SLC44A5: variants seen among roughly 807,000 people sequenced by gnomAD.
SLC44A5 encodes solute carrier family 44 member 5.
Under a neutral mutation model 101.8 loss-of-function variants are expected in SLC44A5, and 57 were observed. The observed-to-expected ratio is 0.56, with a 90% confidence interval of 0.45 to 0.70. The LOEUF (loss-of-function observed/expected upper bound fraction) is 0.70. SLC44A5 is among the 30% of genes least tolerant of loss of function. SLC44A5 has a pLI of 0.00. For synonymous variants in SLC44A5, 281 were observed against 290.9 expected (o/e 0.97, Z 0.35); for missense variants, 737 against 853.1 (o/e 0.86, Z 1.70).
At chr1:75,317,649 C>G (rs776871519) in intron 4 of SLC44A5, among the ~76,000 whole-genome samples, 2 of 152,116 alleles carry the variant, frequency 1.3e-5, no homozygotes, top group Admixed American at 6.6e-5. Context: ...GTTTAAATAA[C>G]AGCCATTTGT....
chr1:75,362,629 AT>A (rs1300239452), intron 3 of SLC44A5, among the ~76,000 whole-genome samples: 6 of 151,872 alleles, frequency 4.0e-5, no homozygotes, highest in Admixed American at 3.9e-4. Flanking sequence ...TTCTTTTATG[AT>A]TTCTAGTTTT....
At chr1:75,624,685 G>C in the SLC44A5 span, among the ~76,000 whole-genome samples, 1 of 152,042 alleles carries the variant, frequency 6.6e-6, no homozygotes, top group Non-Finnish European at 1.5e-5. Context: ...TTGAAAATGA[G>C]AGCTAAACTT....
chr1:75,258,242 G>C (rs886563870), intron 6 of SLC44A5, among the ~76,000 whole-genome samples: 2 of 152,102 alleles, frequency 1.3e-5, no homozygotes, highest in African/African-American at 4.8e-5. Flanking sequence ...AAGTGGTCTG[G>C]CTTGGCAGTT....
intron 2 of SLC44A5, among the ~76,000 whole-genome samples, chr1:75,441,827 T>C (rs1665221872): frequency 6.6e-6 from 1 of 152,100 alleles, no homozygotes; most frequent in Non-Finnish European, 1.5e-5. Context: ...TATTAGATAG[T>C]GTATATTAGG....
the SLC44A5 span, among the ~76,000 whole-genome samples, chr1:75,720,640 A>C: frequency 6.6e-6 from 1 of 152,230 alleles, no homozygotes; most frequent in Non-Finnish European, 1.5e-5. Flanking sequence ...CAAAGAGTCA[A>C]ACTTTGTAAA....
chr1:75,680,292 A>C, the SLC44A5 span, among the ~76,000 whole-genome samples: 2 of 151,654 alleles, frequency 1.3e-5, no homozygotes, highest in Admixed American at 1.3e-4. Flanking sequence ...TCTCCACCCC[A>C]AATCAACAGA....
intron 20 of SLC44A5, 102 bp downstream of exon 20, chr1:75,214,503 T>C: frequency 2.6e-6 from 2 of 778,038 alleles, no homozygotes; most frequent in Non-Finnish European, 4.1e-6. Flanking sequence ...ATAATATTCA[T>C]ATCCAATAAT....
At chr1:75,377,259 G>C (rs1213473286) in intron 3 of SLC44A5, among the ~76,000 whole-genome samples, 2 of 127,906 alleles carry the variant, frequency 1.6e-5, no homozygotes, top group Admixed American at 8.4e-5. Context: ...TGTCAACTCA[G>C]AGTTAAATGG....
intron 1 of SLC44A5, among the ~76,000 whole-genome samples, chr1:75,577,808 G>C (rs1266335074): frequency 6.6e-6 from 1 of 152,080 alleles, no homozygotes; most frequent in African/African-American, 2.4e-5. Context: ...ACATTACTGA[G>C]TTCAATAAGT....
chr1:75,504,322 G>C (rs1669129279), intron 2 of SLC44A5, among the ~76,000 whole-genome samples: 1 of 152,082 alleles, frequency 6.6e-6, no homozygotes, highest in South Asian at 2.1e-4. Context: ...TAATTGGGAA[G>C]GGGCATTAAA....
chr1:75,580,640 A>G (rs962438650), intron 1 of SLC44A5, among the ~76,000 whole-genome samples: 1 of 152,118 alleles, frequency 6.6e-6, no homozygotes, highest in African/African-American at 2.4e-5. Flanking sequence ...GGAGTTCGAG[A>G]CCAGCCTGGC....
At chr1:75,512,257 A>G (rs905392527) in intron 2 of SLC44A5, among the ~76,000 whole-genome samples, 2 of 152,236 alleles carry the variant, frequency 1.3e-5, no homozygotes, top group Non-Finnish European at 2.9e-5. Context: ...CTGCAGTTCA[A>G]TAAAGAGTAC....
chr1:75,713,618 T>TGA, the SLC44A5 span, among the ~76,000 whole-genome samples: 3 of 152,330 alleles, frequency 2.0e-5, no homozygotes, highest in East Asian at 5.8e-4. Context: ...TTTGCAATGA[T>TGA]GACTTCTGAC....
At chr1:75,279,360 G>T (rs766355358) in intron 5 of SLC44A5, among the ~76,000 whole-genome samples, 4 of 152,028 alleles carry the variant, frequency 2.6e-5, no homozygotes, top group Non-Finnish European at 4.4e-5. Context: ...AAGTCAAGCA[G>T]AAAGTGAGGT....
At chr1:75,255,157 G>A (rs1649914760) in intron 6 of SLC44A5, among the ~76,000 whole-genome samples, 2 of 152,014 alleles carry the variant, frequency 1.3e-5, no homozygotes, top group African/African-American at 4.8e-5. Flanking sequence ...GACTAACACA[G>A]CAGCAAAGCA....
At chr1:75,350,156 A>C (rs1422504791) in intron 3 of SLC44A5, among the ~76,000 whole-genome samples, 1 of 149,022 alleles carries the variant, frequency 6.7e-6, no homozygotes, top group Non-Finnish European at 1.5e-5. Flanking sequence ...TTTAGATAGA[A>C]TCATGAGAGA....
the SLC44A5 span, among the ~76,000 whole-genome samples, chr1:75,718,848 A>G: frequency 6.6e-6 from 1 of 152,234 alleles, no homozygotes; most frequent in Admixed American, 6.5e-5. Context: ...GCTCTTTATA[A>G]CTTATAATGA....
rs541846955 is a variant in SLC44A5 at position 75,374,646 on chromosome 1, C to T, written c.52+21937G>A. Among the ~76,000 whole-genome samples the T allele has an allele frequency of 2.0e-5, 3 of 152,300 alleles. No individual in the cohort carries two copies. In the East Asian group the frequency reaches 5.8e-4, roughly 29 times the overall value. On this transcript the variant is annotated intron_variant, in intron 3 of 23. Coordinates refer to ENST00000370859, the MANE Select transcript of SLC44A5 (RefSeq NM_001130058.2). ...AAGAGCCTATCTGCCAGCCCTGACTCTTAAGCACTATCTACTGGATTGCAA... is the reference window on the plus strand; with the variant it reads ...AAGAGCCTATCTGCCAGCCCTGACTTTTAAGCACTATCTACTGGATTGCAA...
intron 1 of SLC44A5, among the ~76,000 whole-genome samples, chr1:75,598,558 A>G (rs531059061): frequency 6.6e-6 from 1 of 152,358 alleles, no homozygotes; most frequent in Admixed American, 6.5e-5. Context: ...AATAAAGAAA[A>G]TGTGGTACAT....
Sources: gnomAD v4.1 joint callset for allele counts (sites outside exome capture counted in the v4.1 genomes callset) on GRCh38, gnomAD v4.1.1 for gene constraint, MANE v1.5 for transcripts, NCBI Gene and HGNC (gene_info 2026-07-23, HGNC 2026-07-21) for gene names.